COP1: variants seen among roughly 807,000 people sequenced by gnomAD.
COP1 encodes COP1 E3 ubiquitin ligase.
In COP1, 24 loss-of-function variants were observed where a neutral mutation model predicts 101.3. The observed-to-expected ratio is 0.24, with a 90% confidence interval of 0.17 to 0.33. The LOEUF is 0.33. Ranked by LOEUF, COP1 falls within the 10% of genes least tolerant of loss-of-function variation. The probability of loss-of-function intolerance (pLI) is 1.00; values close to 1 mark genes in which losing one functional copy is unlikely to be tolerated. For synonymous variants in COP1, 347 were observed against 341.9 expected, an observed-to-expected ratio of 1.01 and a Z score of -0.17; for missense variants, 663 against 906.2, an observed-to-expected ratio of 0.73 and a Z score of 3.45.
At chr1:176,016,719 T>C (rs1335911433) in intron 15 of COP1, among the ~76,000 whole-genome samples, 1 of 152,200 alleles carries the variant, frequency 6.6e-6, no homozygotes, top group African/African-American at 2.4e-5. Flanking sequence ...CATGTCCATT[T>C]TTATGAATGA....
intron 9 of COP1, among the ~76,000 whole-genome samples, chr1:176,109,982 T>C (rs1684995721): frequency 6.6e-6 from 1 of 152,014 alleles, no homozygotes; most frequent in Non-Finnish European, 1.5e-5. Context: ...CCAGAAATTT[T>C]TGATAAATAA....
chr1:176,117,132 G>C (rs1016521745), intron 8 of COP1, among the ~76,000 whole-genome samples: 5 of 152,078 alleles, frequency 3.3e-5, no homozygotes, highest in African/African-American at 4.8e-5. Flanking sequence ...AATTACTCAA[G>C]TTTCCTCATC....
rs1362187355 is a variant in COP1, at chr1:176,085,846, T to G, written c.1071A>C (p.Arg357=). 1 of 1,608,904 alleles carries G rather than the reference T, an allele frequency of 6.2e-7. No individual in the cohort carries two copies. Among genetic ancestry groups the G allele is most frequent in the Admixed American group, 1.7e-5 (1 of 59,968 alleles). Residue 357 remains arginine, a synonymous_variant, in exon 10 of 20, where the codon CGA becomes CGC. Coordinates refer to ENST00000367669, the MANE Select transcript of COP1 (RefSeq NM_022457.7). The part of the protein sequence containing the change: ...PWYNSTLASR[R]KRLTAHFEDL... The stretch of plus-strand genomic sequence containing the variant: ...CTTCAAAATGAGCAGTAAGTCGTTT[T>G]CGTCTTGATGCTAACGTGCTATTAT...
intron 9 of COP1, among the ~76,000 whole-genome samples, chr1:176,090,246 G>C (rs1425918315): frequency 6.6e-6 from 1 of 151,970 alleles, no homozygotes; most frequent in Non-Finnish European, 1.5e-5. Flanking sequence ...TTTCCAGATC[G>C]AATCAATGTA....
At chr1:176,206,149 A>AG (rs1700823978) in intron 1 of COP1, among the ~76,000 whole-genome samples, 1 of 152,196 alleles carries the variant, frequency 6.6e-6, no homozygotes, top group African/African-American at 2.4e-5. Flanking sequence ...GAGGAAGCTT[A>AG]GTCCTCTCCA....
chr1:176,009,414 AAT>A (rs1194709789), intron 15 of COP1, among the ~76,000 whole-genome samples: 1 of 152,206 alleles, frequency 6.6e-6, no homozygotes, highest in Non-Finnish European at 1.5e-5. Flanking sequence ...ACCATATAAT[AAT>A]ATACTAACGT....
chr1:176,149,103 T>TA, intron 5 of COP1, 29 bp from the exon 6 acceptor site: 1 of 1,416,716 alleles, frequency 7.1e-7, no homozygotes, highest in Non-Finnish European at 9.7e-7. Flanking sequence ...ATTTTTCTTT[T>TA]AAAAAATATA....
chr1:176,119,756 C>T (rs1686799744), intron 8 of COP1, among the ~76,000 whole-genome samples: 2 of 152,142 alleles, frequency 1.3e-5, no homozygotes, highest in Admixed American at 1.3e-4. Flanking sequence ...CATCCACAGT[C>T]ACTAGATGGC....
intron 18 of COP1, among the ~76,000 whole-genome samples, chr1:175,968,888 C>T (rs1652683792): frequency 1.3e-5 from 2 of 152,164 alleles, no homozygotes; most frequent in African/African-American, 4.8e-5. Flanking sequence ...CAACTTGCAG[C>T]ACATGTTAAC....
chr1:175,950,654 C>T (rs1649775395), intron 18 of COP1, among the ~76,000 whole-genome samples: 1 of 152,042 alleles, frequency 6.6e-6, no homozygotes, highest in African/African-American at 2.4e-5. Flanking sequence ...TTATTTTCTC[C>T]CTCTTTTTTG....
At chr1:176,203,262 G>A (rs954215839) in intron 1 of COP1, among the ~76,000 whole-genome samples, 2 of 152,048 alleles carry the variant, frequency 1.3e-5, no homozygotes, top group African/African-American at 4.8e-5. Context: ...GCGTGAACCC[G>A]GGAGGCGGAG....
intron 6 of COP1, among the ~76,000 whole-genome samples, chr1:176,137,004 T>A (rs976960333): frequency 2.0e-5 from 3 of 152,072 alleles, no homozygotes; most frequent in Admixed American, 1.3e-4. Context: ...CGCCTCAGCC[T>A]CCCAAAGTGC....
chr1:176,072,787 G>A (rs1677239380), intron 11 of COP1, among the ~76,000 whole-genome samples: 1 of 151,974 alleles, frequency 6.6e-6, no homozygotes, highest in Non-Finnish European at 1.5e-5. Flanking sequence ...GAAACATAAA[G>A]TTTAATTTGA....
In COP1 at chr1:176,073,575, TA is replaced by T. The variant is rs554255536; in HGVS notation, c.1277+7576del. 1.9e-4 allele frequency among the ~76,000 whole-genome samples: 29 copies of T among 152,324 alleles called. No individual in the cohort carries two copies. The South Asian group carries it at 4.4e-3, about 23-fold the overall frequency. ...CAAAATATGCTATTATTGCTGTGTG[TA>T]AAAAGAATGCAATTAACTGTCTTCT... On this transcript the variant is annotated intron_variant, in intron 11 of 19. Transcript: ENST00000367669.
intron 6 of COP1, among the ~76,000 whole-genome samples, chr1:176,147,533 G>C (rs946175608): frequency 6.6e-6 from 1 of 151,904 alleles, no homozygotes; most frequent in African/African-American, 2.4e-5. Context: ...GAAGTATTTG[G>C]AACTAGTATG....
chr1:176,165,972 T>C (rs1040136196), intron 3 of COP1, among the ~76,000 whole-genome samples: 3 of 152,146 alleles, frequency 2.0e-5, no homozygotes, highest in African/African-American at 4.8e-5. Flanking sequence ...AGAAAAATAG[T>C]GACTGTTAAA....
At chr1:175,960,243 G>A (rs1022541799) in intron 18 of COP1, among the ~76,000 whole-genome samples, 1 of 152,158 alleles carries the variant, frequency 6.6e-6, no homozygotes, top group African/African-American at 2.4e-5. Flanking sequence ...TGTCTTTGGA[G>A]TCTGAAAGAT....
rs777946057 is a variant in COP1 at position 176,206,664 on chromosome 1, G to A, written c.315C>T (p.Ser105=). ...GTCGCTTCCTGCTGCCGCTGCCTAG[G>A]CTGGAGCTGCTGCCTCCTACGCCGG... ...PSAGVGGSSS[S]LGSGSRKRPL... Residue 105 remains serine (S), a synonymous_variant, in exon 1 of 20, where the codon AGC becomes AGT. Coordinates refer to ENST00000367669, the MANE Select transcript of COP1 (RefSeq NM_022457.7). 5.0e-6 allele frequency: 8 copies of A among 1,610,488 alleles called. No homozygotes were observed. In the African/African-American group the frequency reaches 6.7e-5, roughly 13 times the overall value.
chr1:176,077,548 G>C (rs1342410516), intron 11 of COP1, among the ~76,000 whole-genome samples: 2 of 151,960 alleles, frequency 1.3e-5, no homozygotes, highest in African/African-American at 4.8e-5. Context: ...CAACTTAATA[G>C]TGAATGGGCA....
Sources: gnomAD v4.1 joint callset for allele counts (sites outside exome capture counted in the v4.1 genomes callset) on GRCh38, gnomAD v4.1.1 for gene constraint, MANE v1.5 for transcripts, NCBI Gene and HGNC (gene_info 2026-07-23, HGNC 2026-07-21) for gene names.